Variants in POU3F3 observed in about 807,000 individuals in gnomAD.
POU3F3 encodes the protein POU class 3 homeobox 3.
Under a neutral mutation model 8.6 loss-of-function variants are expected in POU3F3, and 1 was observed. That is an observed-to-expected ratio of 0.12 (90% confidence interval 0.04 to 0.55). The LOEUF (loss-of-function observed/expected upper bound fraction) is 0.55, where lower values mean the gene tolerates loss of function less well. Among genes scored for constraint, POU3F3 ranks in the 20% least tolerant of loss-of-function variants. The pLI is 0.91. For missense variants in POU3F3, 577 were observed against 690.7 expected (o/e 0.84, Z 1.84); for synonymous variants, 418 against 327.4 (o/e 1.28, Z -2.99).
chr2:104,854,540 A>G lies in POU3F3; in HGVS notation c.-971A>G, dbSNP rs747260097. The stretch of plus-strand genomic sequence containing the variant: ...TCCTGTTCAATTTTTTCCTTGTTAT[A>G]TTTGTTTCCTAATTTCTGCCCAAAA... On this transcript the variant is annotated 5_prime_UTR_variant, in exon 1 of 1. It adds an upstream start codon to the 5' untranslated region. Coordinates refer to ENST00000361360, the MANE Select transcript of POU3F3 (RefSeq NM_006236.3). This position sits in a 1 kb window ranked among gnomAD's most constrained non-coding sequence, Gnocchi z 4.5. Among the ~76,000 whole-genome samples, 7 of 152,156 alleles carry G rather than the reference A, an allele frequency of 4.6e-5. No individual in the cohort carries two copies. Among genetic ancestry groups the G allele is most frequent in the Non-Finnish European group, 8.8e-5 (6 of 68,020 alleles).
the POU3F3 span, among the ~76,000 whole-genome samples, chr2:104,883,285 C>T: frequency 2.0e-5 from 3 of 152,234 alleles, no homozygotes; most frequent in African/African-American, 7.2e-5. Flanking sequence ...TACACCCCTC[C>T]CCCCAGGCAC....
chr2:104,877,175 A>C, the POU3F3 span, among the ~76,000 whole-genome samples: 3 of 152,154 alleles, frequency 2.0e-5, no homozygotes, highest in African/African-American at 4.8e-5. Context: ...CAGCTTTCTG[A>C]AAGGGCTTTG....
At chr2:104,914,189 T>C in the POU3F3 span, among the ~76,000 whole-genome samples, 1 of 152,380 alleles carries the variant, frequency 6.6e-6, no homozygotes, top group Admixed American at 6.5e-5. Context: ...TGTTAATCTG[T>C]TATCACGGCT....
chr2:104,907,870 TTGTAGGG>T, the POU3F3 span, among the ~76,000 whole-genome samples: 10 of 152,312 alleles, frequency 6.6e-5, no homozygotes, highest in Middle Eastern at 3.4e-3. Flanking sequence ...AACACTTCTC[TTGTAGGG>T]TTTTACTATA....
downstream of POU3F3, among the ~76,000 whole-genome samples, chr2:104,861,715 TGTC>T (rs1272332290): frequency 2.0e-5 from 3 of 152,204 alleles, no homozygotes; most frequent in Non-Finnish European, 4.4e-5. Flanking sequence ...CAGGTGTTGT[TGTC>T]GTTGTTGTTG....
the POU3F3 span, among the ~76,000 whole-genome samples, chr2:104,919,758 C>T: frequency 2.6e-5 from 4 of 152,076 alleles, no homozygotes; most frequent in South Asian, 8.3e-4. Flanking sequence ...CCTTTCCCCT[C>T]GCCTCTTCTC....
In POU3F3 at chr2:104,855,597, TGGCGGCGGCGGGGGTGGCGGCGGC is replaced by T. The variant is rs1396933349; in HGVS notation, c.102_125del (p.Gly36_Gly43del). ...TTGTGCACTCGGACGCGGCAGGGGC[TGGCGGCGGCGGGGGTGGCGGCGGC>T]GGCGGCGGCGGGGGCGGCGCAGGGG... On this transcript the variant is annotated inframe_deletion, in exon 1 of 1. Coordinates refer to ENST00000361360, the MANE Select transcript of POU3F3 (RefSeq NM_006236.3). 6.2e-6 allele frequency: 6 copies of T among 963,728 alleles called. 1 individual carries two copies. Among genetic ancestry groups the T allele is most frequent in the African/African-American group, 2.0e-5 (1 of 49,096 alleles). The allele number at this position is 963,728 out of a possible 1,614,324, so 59.7% of individuals were successfully genotyped here. A position where few individuals can be genotyped will look rare whatever the true frequency, so the allele number is the denominator to read the frequency against.
chr2:104,894,042 C>A, the POU3F3 span, among the ~76,000 whole-genome samples: 1 of 152,184 alleles, frequency 6.6e-6, no homozygotes, highest in African/African-American at 2.4e-5. Flanking sequence ...AGCCGATGGG[C>A]TCCAGAATCT....
downstream of POU3F3, among the ~76,000 whole-genome samples, chr2:104,862,127 C>G (rs1198634594): frequency 1.3e-5 from 2 of 152,190 alleles, no homozygotes; most frequent in Non-Finnish European, 2.9e-5. Context: ...CGTGTTTGTT[C>G]CTGTATCCTA....
chr2:104,893,324 C>G, the POU3F3 span, among the ~76,000 whole-genome samples: 18 of 152,298 alleles, frequency 1.2e-4, no homozygotes, highest in Non-Finnish European at 1.9e-4. Flanking sequence ...CACCCTGGGT[C>G]TGGATGTCAC....
the POU3F3 span, among the ~76,000 whole-genome samples, chr2:104,924,365 T>C: frequency 6.6e-6 from 1 of 152,214 alleles, no homozygotes; most frequent in Non-Finnish European, 1.5e-5. Context: ...AAAAGCATTT[T>C]GACTGCTATG....
At chr2:104,908,467 T>C in the POU3F3 span, among the ~76,000 whole-genome samples, 2 of 152,200 alleles carry the variant, frequency 1.3e-5, no homozygotes, top group Non-Finnish European at 2.9e-5. Context: ...AGTAAAGAAT[T>C]GTAGAAGAAA....
chr2:104,886,441 C>T, the POU3F3 span, among the ~76,000 whole-genome samples: 1 of 152,122 alleles, frequency 6.6e-6, no homozygotes, highest in Non-Finnish European at 1.5e-5. Flanking sequence ...ACGTGTGTAA[C>T]AGGCTATACC....
chr2:104,891,145 G>A, the POU3F3 span, among the ~76,000 whole-genome samples: 1 of 152,154 alleles, frequency 6.6e-6, no homozygotes, highest in Non-Finnish European at 1.5e-5. Context: ...ACCACACCTA[G>A]CACCTACTTC....
chr2:104,868,166 T>A, the POU3F3 span: 3 of 447,338 alleles, frequency 6.7e-6, no homozygotes, highest in South Asian at 4.7e-5. Context: ...CCCATGGGGT[T>A]CTGAAGGCTC....
the POU3F3 span, among the ~76,000 whole-genome samples, chr2:104,909,455 A>G: frequency 2.6e-5 from 4 of 152,380 alleles, no homozygotes; most frequent in Admixed American, 1.3e-4. Flanking sequence ...AGCCAGTGTC[A>G]TGAGCTGAAG....
chr2:104,912,468 G>A, the POU3F3 span, among the ~76,000 whole-genome samples: 1 of 152,154 alleles, frequency 6.6e-6, no homozygotes, highest in Non-Finnish European at 1.5e-5. Flanking sequence ...GCCCCCACAG[G>A]AGTTACTAAC....
Position 104,857,084 on chromosome 2 carries a change from C to G in POU3F3, c.*71C>G. On this transcript the variant is annotated 3_prime_UTR_variant, in exon 1 of 1. Transcript: ENST00000361360. Reference sequence around the variant, plus strand: ...CAGCCGCCGTCAGCACCGCCGCCGCCCCTGCCGCCGCCGCCGCCGCCGCCG... The same window carrying G: ...CAGCCGCCGTCAGCACCGCCGCCGCGCCTGCCGCCGCCGCCGCCGCCGCCG... 9.5e-7 allele frequency: 1 copy of G among 1,050,212 alleles called. No individual in the cohort carries two copies. Among genetic ancestry groups the G allele is most frequent in the Non-Finnish European group, 1.1e-6 (1 of 873,040 alleles). 65.1% of individuals were successfully genotyped at this position (1,050,212 alleles called of 1,614,324 possible). A position where few individuals can be genotyped will look rare whatever the true frequency, so the allele number is the denominator to read the frequency against.
chr2:104,902,607 A>C, the POU3F3 span, among the ~76,000 whole-genome samples: 105 of 152,166 alleles, frequency 6.9e-4, no homozygotes, highest in Non-Finnish European at 1.4e-3. Flanking sequence ...CCGATAGGAG[A>C]GTAGCGGTCA....
Sources: allele counts gnomAD v4.1 joint callset (sites outside exome capture counted in the v4.1 genomes callset), GRCh38; gene constraint gnomAD v4.1.1; non-coding constraint Gnocchi (gnomAD v3.1); transcripts MANE v1.5; gene names NCBI Gene and HGNC (gene_info 2026-07-23, HGNC 2026-07-21).